RMND5B: variants seen among roughly 807,000 people sequenced by gnomAD.
RMND5B encodes required for meiotic nuclear division 5 homolog B.
RMND5B carries 42 observed loss-of-function variants against 50.4 expected under a neutral mutation model. The observed-to-expected ratio is 0.83, with a 90% CI of 0.65 to 1.08. RMND5B has a LOEUF of 1.08. Among genes scored for constraint, RMND5B ranks in the 50% least tolerant of loss-of-function variants. The probability of loss-of-function intolerance (pLI) is 0.00; values close to 1 mark genes in which losing one functional copy is unlikely to be tolerated. For synonymous variants in RMND5B, 220 were observed against 210.0 expected (o/e 1.05, Z -0.41); for missense variants, 463 against 508.5 (o/e 0.91, Z 0.86).
At position 178,147,611 on chromosome 5, in the gene RMND5B, C is replaced by T. The variant is rs745679814; in HGVS notation, c.939C>T (p.Val313=). ...TTGAGCAGCGGCAGTGCACTGGGGT[C>T]TGGAATCACAAGGACGAGTTACCGG... The part of the protein sequence containing the change: ...AVIEQRQCTG[V]WNHKDELPIE... Residue 313 remains valine (V), a synonymous_variant, in exon 9 of 11, where the codon GTC becomes GTT. Transcript: ENST00000313386. The T allele has an allele frequency of 1.2e-6, 2 of 1,614,144 alleles. No homozygotes were observed. Among genetic ancestry groups the T allele is most frequent in the Admixed American group, 3.3e-5 (2 of 60,012 alleles).
rs771861320 is a variant in RMND5B at position 178,138,182 on chromosome 5, C to T, written c.63C>T (p.Tyr21=). 41 of 1,613,688 alleles carry T rather than the reference C, an allele frequency of 2.5e-5. No homozygotes were observed. Among genetic ancestry groups the T allele is most frequent in the Admixed American group, 6.7e-5 (4 of 59,950 alleles). The change falls in exon 3 of 11, where the codon TAC becomes TAT. Residue 21 remains tyrosine, a synonymous_variant. Coordinates refer to ENST00000313386, the MANE Select transcript of RMND5B (RefSeq NM_022762.5). The surrounding 1 kb of genome is among the most constrained non-coding windows in gnomAD (Gnocchi z 5.1). ...LDKVLQKFLT[Y]GQHCERSLEE... ...AGGTCCTGCAGAAGTTCCTGACCTA[C>T]GGGCAGCACTGTGAGCGGAGCCTGG...
chr5:178,147,089 A>T (rs192211033), intron 8 of RMND5B: 101 of 180,434 alleles, frequency 5.6e-4, no homozygotes, highest in Non-Finnish European at 8.0e-4. Flanking sequence ...TCCCTTCCCC[A>T]TGCAACTGTC....
At chr5:178,143,331 A>G (rs1410121683) in intron 5 of RMND5B, among the ~76,000 whole-genome samples, 1 of 152,218 alleles carries the variant, frequency 6.6e-6, no homozygotes, top group Non-Finnish European at 1.5e-5. Flanking sequence ...AGGAGGATTG[A>G]AGAGGAGTAA....
chr5:178,140,829 A>G (rs976480835), intron 3 of RMND5B, among the ~76,000 whole-genome samples: 2 of 135,540 alleles, frequency 1.5e-5, no homozygotes, highest in Non-Finnish European at 3.3e-5. Context: ...GACTGTCTCA[A>G]AAAAAAAAAA....
chr5:178,139,015 A>G (rs549204792), intron 3 of RMND5B, among the ~76,000 whole-genome samples: 1 of 152,286 alleles, frequency 6.6e-6, no homozygotes, highest in African/African-American at 2.4e-5. Context: ...AGCCTGGCCA[A>G]CATGGCAAAA....
intron 6 of RMND5B, 96 bp downstream of exon 6, chr5:178,143,823 C>A: frequency 1.4e-6 from 2 of 1,464,620 alleles, no homozygotes; most frequent in Non-Finnish European, 1.9e-6. Flanking sequence ...ATGTACTTGA[C>A]TTGCCTGCAG....
intron 7 of RMND5B, among the ~76,000 whole-genome samples, chr5:178,144,896 ACT>A (rs1489870643): frequency 6.6e-6 from 1 of 151,778 alleles, no homozygotes; most frequent in Non-Finnish European, 1.5e-5. Flanking sequence ...TCAGTTGAGC[ACT>A]CTTCCTGTCA....
rs141069988 is a variant in RMND5B, at chr5:178,143,701, C to T, written c.501C>T (p.His167=). The change falls in exon 6 of 11, where the codon CAC becomes CAT. Residue 167 remains histidine, a synonymous_variant. Transcript: ENST00000313386. ...LELNRILEAL[H]EQDLGPALEW... ...TGAATCGAATCCTGGAAGCCCTGCA[C>T]GAACAAGACCTGGGTCCTGCGTTGG... 57 of 1,613,996 alleles carry T rather than the reference C, an allele frequency of 3.5e-5. No homozygotes were observed. The highest frequency in any genetic ancestry group is 4.3e-5 in the Non-Finnish European group (51 of 1,179,844).
chr5:178,132,971 TCTC>T (rs1447678198), intron 2 of RMND5B, among the ~76,000 whole-genome samples: 1 of 151,672 alleles, frequency 6.6e-6, no homozygotes, highest in Non-Finnish European at 1.5e-5. Flanking sequence ...TTCAAGCAAT[TCTC>T]CTGCCTCAGC....
Position 178,138,593 on chromosome 5 carries a change from G to A in RMND5B, c.139+335G>A, listed in dbSNP as rs1758752599. ...CCTAGGCTGGTCTTTAACTCCTAGG[G>A]GCTCAAGTGATCCTCCTGCCTCAGC... is the stretch of plus-strand genomic sequence containing the variant. On this transcript the variant is annotated intron_variant, in intron 3 of 10. Coordinates refer to ENST00000313386, the MANE Select transcript of RMND5B (RefSeq NM_022762.5). This position sits in a 1 kb window ranked among gnomAD's most constrained non-coding sequence, Gnocchi z 5.1. Among the ~76,000 whole-genome samples, 1 of 150,696 alleles carries A rather than the reference G, an allele frequency of 6.6e-6. No individual in the cohort carries two copies. Among genetic ancestry groups the A allele is most frequent in the Non-Finnish European group, 1.5e-5 (1 of 67,834 alleles).
intron 3 of RMND5B, 164 bp from the exon 4 acceptor site, chr5:178,142,419 G>C: frequency 2.5e-6 from 2 of 796,262 alleles, no homozygotes; most frequent in Middle Eastern, 2.4e-4. Context: ...AAGTCAGACA[G>C]TTAAAAAGTG....
Position 178,138,036 on chromosome 5 carries a change from AGGT to A in RMND5B, c.-12-68_-12-66del, listed in dbSNP as rs1758708808. 1.5e-5 allele frequency: 20 copies of A among 1,345,122 alleles called. No homozygotes were observed. The South Asian group carries it at 2.7e-4, about 18-fold the overall frequency. The allele number at this position is 1,345,122 out of a possible 1,614,324, so 83.3% of individuals were successfully genotyped here. A position where few individuals can be genotyped will look rare whatever the true frequency, so the allele number is the denominator to read the frequency against. On this transcript the variant is annotated intron_variant, in intron 2 of 10. Transcript: ENST00000313386. This position sits in a 1 kb window ranked among gnomAD's most constrained non-coding sequence, Gnocchi z 5.1. ...TGGGAATGGTGAGAGGGATCTGAAG[AGGT>A]GGTCTGGGCACCCTGCCTGCCATGC...
At position 178,146,271 on chromosome 5, in the gene RMND5B, T is replaced by C. The variant is rs751269348; in HGVS notation, c.852T>C (p.Leu284=). ...SLLGLSVESP[L]SVSFASGCVA... is the part of the protein sequence containing the mutation. ...TGGGGCTTTCTGTGGAGTCCCCCCT[T>C]AGCGTCAGGTACAACCCAGCCCTGT... Residue 284 remains leucine, a synonymous_variant, in exon 8 of 11, where the codon CTT becomes CTC. Coordinates refer to ENST00000313386, the MANE Select transcript of RMND5B (RefSeq NM_022762.5). 93 of 1,613,900 alleles carry C rather than the reference T, an allele frequency of 5.8e-5. No homozygotes were observed. Among genetic ancestry groups the C allele is most frequent in the Non-Finnish European group, 7.7e-5 (91 of 1,179,942 alleles).
chr5:178,148,210 G>A lies in RMND5B; in HGVS notation c.*178G>A. On this transcript the variant is annotated 3_prime_UTR_variant, in exon 11 of 11. Coordinates refer to ENST00000313386, the MANE Select transcript of RMND5B (RefSeq NM_022762.5). ...AGAGGCTGAGGAGGGAGATGGACCA[G>A]CCCACGCCTGGCACCTGGCTCCATG... 3.2e-6 allele frequency: 2 copies of A among 634,534 alleles called. No homozygotes were observed. The highest frequency in any genetic ancestry group is 2.7e-5 in the East Asian group (1 of 36,632). The allele number at this position is 634,534 out of a possible 1,614,324, so 39.3% of individuals were successfully genotyped here.
intron 7 of RMND5B, among the ~76,000 whole-genome samples, chr5:178,144,475 G>A (rs967294458): frequency 6.6e-6 from 1 of 151,744 alleles, no homozygotes; most frequent in Non-Finnish European, 1.5e-5. Context: ...GGCCAGGCAC[G>A]GTGGCTCACG....
intron 3 of RMND5B, among the ~76,000 whole-genome samples, chr5:178,139,380 A>AT (rs1168366410): frequency 6.6e-6 from 1 of 151,038 alleles, no homozygotes; most frequent in Non-Finnish European, 1.5e-5. Flanking sequence ...TAATTTTTGT[A>AT]TTTTTTAGTA....
In RMND5B at chr5:178,144,135, G is replaced by A. The variant is rs746428740; in HGVS notation, c.694+27G>A. The A allele has an allele frequency of 1.2e-5, 19 of 1,606,522 alleles. No individual in the cohort carries two copies. The South Asian group carries it at 1.5e-4, about 13-fold the overall frequency. On this transcript the variant is annotated intron_variant, in intron 7 of 10. Transcript: ENST00000313386. ...TGAGTGCCCAGGCAGCTGGGGTTGT[G>A]CTGCCTGGCCTGACACATGTCTGGA...
At chr5:178,145,443 G>A (rs1755942051) in intron 7 of RMND5B, among the ~76,000 whole-genome samples, 1 of 149,328 alleles carries the variant, frequency 6.7e-6, no homozygotes. Context: ...CCGAGATTGT[G>A]CCACTGCCCT....
chr5:178,133,440 C>T (rs1370040644), intron 2 of RMND5B: 1 of 152,062 alleles, frequency 6.6e-6, no homozygotes, highest in African/African-American at 2.4e-5. Flanking sequence ...AGTTTTTGCT[C>T]TTGTTGCCCA....
Sources: gnomAD v4.1 joint callset for allele counts (sites outside exome capture counted in the v4.1 genomes callset) on GRCh38, gnomAD v4.1.1 for gene constraint, Gnocchi (gnomAD v3.1) non-coding constraint, MANE v1.5 for transcripts, NCBI Gene and HGNC (gene_info 2026-07-23, HGNC 2026-07-21) for gene names.